The following PARK7 variants were observed in gnomAD, a reference collection of about 807,000 sequenced individuals.
PARK7 encodes Parkinson disease protein 7.
PARK7 carries 14 observed loss-of-function variants against 20.5 expected under a neutral mutation model. That is an observed-to-expected ratio of 0.68 (90% confidence interval 0.45 to 1.07). The LOEUF (loss-of-function observed/expected upper bound fraction) is 1.07. PARK7 is among the 50% of genes least tolerant of loss of function. The pLI is 0.00. For synonymous variants in PARK7, 98 were observed against 84.3 expected, an observed-to-expected ratio of 1.16 and a Z score of -0.89; for missense variants, 234 against 238.1, an observed-to-expected ratio of 0.98 and a Z score of 0.11.
intron 5 of PARK7, among the ~76,000 whole-genome samples, chr1:7,974,585 C>T (rs1187112843): frequency 4.0e-5 from 6 of 150,992 alleles, no homozygotes; most frequent in Non-Finnish European, 7.4e-5. Context: ...GCCGAGATTG[C>T]GCCACTGCTC....
At chr1:7,970,989 G>GC in intron 5 of PARK7, 26 bp downstream of exon 5, 5 of 1,613,592 alleles carry the variant, frequency 3.1e-6, no homozygotes, top group Non-Finnish European at 4.2e-6. Flanking sequence ...AGCCTGTGTT[G>GC]CAGCGTCATT....
chr1:7,969,113 T>C lies in PARK7; in HGVS notation c.193-232T>C. ...GGAGATTATACTACCCCTGCTACTCTGCAGCGTGGACATCCTTGCATGTCA... is the reference window on the plus strand; with the variant it reads ...GGAGATTATACTACCCCTGCTACTCCGCAGCGTGGACATCCTTGCATGTCA... On this transcript the variant is annotated intron_variant, in intron 3 of 6. Transcript: ENST00000338639. 7.9e-6 allele frequency: 4 copies of C among 504,838 alleles called. No homozygotes were observed. The South Asian group carries it at 1.0e-4, about 13-fold the overall frequency. 31.3% of individuals were successfully genotyped at this position (504,838 alleles called of 1,614,324 possible).
intron 3 of PARK7, among the ~76,000 whole-genome samples, chr1:7,968,314 A>AAAAG (rs1640372380): frequency 6.6e-6 from 1 of 151,096 alleles, no homozygotes; most frequent in Non-Finnish European, 1.5e-5. Flanking sequence ...AAAAAAAAAA[A>AAAAG]AAAAGAAAAG....
At position 7,981,458 on chromosome 1, in the gene PARK7, A is replaced by G. The variant is rs1301228726; in HGVS notation, c.410-3436A>G. Among the ~76,000 whole-genome samples the G allele has an allele frequency of 2.0e-5, 3 of 152,154 alleles. No individual in the cohort carries two copies. In the East Asian group the frequency reaches 5.8e-4, roughly 29 times the overall value. On this transcript the variant is annotated intron_variant, in intron 6 of 6. Coordinates refer to ENST00000338639, the MANE Select transcript of PARK7 (RefSeq NM_007262.5). ...TCAGGGGTCAACTGACTGCTCCCCA[A>G]AGGCCAGGTGGTAAATATTGCAGGC...
chr1:7,984,448 A>G lies in PARK7; in HGVS notation c.410-446A>G, dbSNP rs1350075938. Among the ~76,000 whole-genome samples the G allele has an allele frequency of 6.6e-6, 1 of 152,184 alleles. No homozygotes were observed. The highest frequency in any genetic ancestry group is 1.5e-5 in the Non-Finnish European group (1 of 68,044). On this transcript the variant is annotated intron_variant, in intron 6 of 6. Coordinates refer to ENST00000338639, the MANE Select transcript of PARK7 (RefSeq NM_007262.5). The surrounding 1 kb of genome is among the most constrained non-coding windows in gnomAD (Gnocchi z 4.3). ...ACTCACATGCATACCCGCCTCCATTACGTTGTGCTGTGGTTGTTTTTGAGG... is the reference window on the plus strand; with the variant it reads ...ACTCACATGCATACCCGCCTCCATTGCGTTGTGCTGTGGTTGTTTTTGAGG...
chr1:7,984,785 G>T lies in PARK7; in HGVS notation c.410-109G>T. 7.5e-7 allele frequency: 1 copy of T among 1,326,438 alleles called. No individual in the cohort carries two copies. Among genetic ancestry groups the T allele is most frequent in the Non-Finnish European group, 1.1e-6 (1 of 929,508 alleles). 82.2% of individuals were successfully genotyped at this position (1,326,438 alleles called of 1,614,324 possible). A position where few individuals can be genotyped will look rare whatever the true frequency, so the allele number is the denominator to read the frequency against. ...CCTAGTAAATGTTTTTGAATGGTTA[G>T]CTACAGTGTTGGGTTTATATGCTGT... On this transcript the variant is annotated intron_variant, in intron 6 of 6. Coordinates refer to ENST00000338639, the MANE Select transcript of PARK7 (RefSeq NM_007262.5). This position sits in a 1 kb window ranked among gnomAD's most constrained non-coding sequence, Gnocchi z 4.3.
chr1:7,966,325 T>G lies in PARK7; in HGVS notation c.192+900T>G, dbSNP rs552750589. On this transcript the variant is annotated intron_variant, in intron 3 of 6. Transcript: ENST00000338639. ...ATCCTTTCTAATAAGTTTAGATTTT[T>G]CATTACTGGATTGTAGAAAATTAGA... Among the ~76,000 whole-genome samples, 22 of 152,106 alleles carry G rather than the reference T, an allele frequency of 1.4e-4. No individual in the cohort carries two copies. In the East Asian group the frequency reaches 4.3e-3, roughly 29 times the overall value.
chr1:7,979,788 C>G (rs1640671491), intron 6 of PARK7, among the ~76,000 whole-genome samples: 1 of 152,140 alleles, frequency 6.6e-6, no homozygotes, highest in Non-Finnish European at 1.5e-5. Context: ...AGATGTGAGC[C>G]ACTGTGCCCC....
At chr1:7,974,140 C>CCCT (rs997267046) in intron 5 of PARK7, among the ~76,000 whole-genome samples, 1 of 148,394 alleles carries the variant, frequency 6.7e-6, no homozygotes, top group Non-Finnish European at 1.5e-5. Flanking sequence ...TGAGACCCCC[C>CCCT]CACCGACCTC....
chr1:7,972,208 T>A (rs920740214), intron 5 of PARK7, among the ~76,000 whole-genome samples: 3 of 152,204 alleles, frequency 2.0e-5, no homozygotes, highest in Non-Finnish European at 4.4e-5. Flanking sequence ...ATGCCTGTAA[T>A]CTCAGCATTT....
chr1:7,965,432 A>G lies in PARK7; in HGVS notation c.192+7A>G. 1 of 1,611,712 alleles carries G rather than the reference A, an allele frequency of 6.2e-7. No homozygotes were observed. The highest frequency in any genetic ancestry group is 8.5e-7 in the Non-Finnish European group (1 of 1,177,810). ...TGAAGATGCAAAAAAAGAGGTTTGT[A>G]ATCCATACATGGAGTTATTCCTTCA... On this transcript the variant is annotated splice_region_variant and intron_variant, in intron 3 of 6. Coordinates refer to ENST00000338639, the MANE Select transcript of PARK7 (RefSeq NM_007262.5).
intron 5 of PARK7, among the ~76,000 whole-genome samples, chr1:7,972,861 A>G (rs367481): frequency 0.25 from 38,649 of 152,026 alleles, 5,821 homozygotes; most frequent in East Asian, 0.63. Flanking sequence ...TAACATGGTG[A>G]AACCCCGTCT....
At chr1:7,963,722 G>A (rs990010414) in intron 2 of PARK7, among the ~76,000 whole-genome samples, 1 of 151,836 alleles carries the variant, frequency 6.6e-6, no homozygotes, top group Non-Finnish European at 1.5e-5. Context: ...AAATACATTT[G>A]AAGCCCCCTT....
In PARK7 at chr1:7,968,986, C is replaced by T. The variant is rs371259600; in HGVS notation, c.193-359C>T. On this transcript the variant is annotated intron_variant, in intron 3 of 6. Coordinates refer to ENST00000338639, the MANE Select transcript of PARK7 (RefSeq NM_007262.5). ...CTAGAGTGTCTTCCTTTGTCTGTGA[C>T]TACCTGTATACAGAATATGTGGGGT... 52 of 187,336 alleles carry T rather than the reference C, an allele frequency of 2.8e-4. 2 individuals are homozygous for T. Among genetic ancestry groups the T allele is most frequent in the African/African-American group, 1.2e-3 (52 of 42,584 alleles). The allele number at this position is 187,336 out of a possible 1,614,324, so 11.6% of individuals were successfully genotyped here. A position where few individuals can be genotyped will look rare whatever the true frequency, so the allele number is the denominator to read the frequency against.
intron 3 of PARK7, among the ~76,000 whole-genome samples, chr1:7,966,809 C>T (rs142585753): frequency 3.3e-5 from 5 of 152,216 alleles, no homozygotes; most frequent in African/African-American, 4.8e-5. Flanking sequence ...TATTTTCAAT[C>T]GACAGATAAT....
intron 5 of PARK7, among the ~76,000 whole-genome samples, chr1:7,973,907 CA>C (rs781083944): frequency 0.12 from 8,735 of 74,322 alleles, 592 homozygotes; most frequent in African/African-American, 0.28. Flanking sequence ...GACTTCGTTT[CA>C]AAAAAAAAAA....
intron 3 of PARK7, 54 bp from the exon 4 acceptor site, chr1:7,969,291 A>G: frequency 2.1e-6 from 3 of 1,425,500 alleles, no homozygotes; most frequent in Non-Finnish European, 3.0e-6. Flanking sequence ...TGTCAATTTA[A>G]TGCACAGTTG....
chr1:7,968,736 C>T (rs764955616), intron 3 of PARK7, among the ~76,000 whole-genome samples: 2 of 152,084 alleles, frequency 1.3e-5, no homozygotes, highest in Non-Finnish European at 2.9e-5. Flanking sequence ...AGGCTGGTCT[C>T]GAACTCCTGA....
chr1:7,969,524 T>C, intron 4 of PARK7, 120 bp downstream of exon 4: 1 of 768,924 alleles, frequency 1.3e-6, no homozygotes, highest in Non-Finnish European at 2.1e-6. Flanking sequence ...GGGAGGAGGC[T>C]GTGAAAAAAA....
Sources: allele counts gnomAD v4.1 joint callset (sites outside exome capture counted in the v4.1 genomes callset), GRCh38; gene constraint gnomAD v4.1.1; non-coding constraint Gnocchi (gnomAD v3.1); transcripts MANE v1.5; gene names NCBI Gene and HGNC (gene_info 2026-07-23, HGNC 2026-07-21).